The following TBXT variants were observed in gnomAD, a reference collection of about 807,000 sequenced individuals.
The protein encoded by TBXT is T brachyury transcription factor.
TBXT carries 19 observed loss-of-function variants against 41.1 expected under a neutral mutation model. The ratio of observed to expected loss-of-function variants is 0.46; its 90% CI spans 0.32 to 0.68. The LOEUF (loss-of-function observed/expected upper bound fraction) is 0.68. Ranked by LOEUF, TBXT falls within the 30% of genes least tolerant of loss-of-function variation. The pLI is 0.03. For missense variants in TBXT, 536 were observed against 582.0 expected, an observed-to-expected ratio of 0.92 and a Z score of 0.81; for synonymous variants, 213 against 238.9, an observed-to-expected ratio of 0.89 and a Z score of 1.00.
Position 166,166,745 on chromosome 6 carries a change from G to A in TBXT, c.318C>T (p.Asn106=). ...AADNHRWKYV[N]GEWVPGGKPE... ...GCTTGCCCCCCGGCACCCATTCCCC[G>A]TTCACGTACTTCCAGCGGTGGTTGT... The change falls in exon 2 of 8, where the codon AAC becomes AAT. Residue 106 remains asparagine (N), a synonymous_variant. Coordinates refer to ENST00000366876, the MANE Select transcript of TBXT (RefSeq NM_001366285.2). 6.2e-7 allele frequency: 1 copy of A among 1,613,798 alleles called. No individual in the cohort carries two copies. The highest frequency in any genetic ancestry group is 8.5e-7 in the Non-Finnish European group (1 of 1,180,052).
Position 166,166,879 on chromosome 6 carries a change from A to T in TBXT, c.207-23T>A, listed in dbSNP as rs769976301. The T allele has an allele frequency of 1.9e-6, 3 of 1,613,112 alleles. No homozygotes were observed. In the South Asian group the frequency reaches 3.3e-5, roughly 18 times the overall value. On this transcript the variant is annotated intron_variant, in intron 1 of 7. Transcript: ENST00000366876. Reference sequence around the variant, plus strand: ...CTCCTGGAAAACACGGGGCGGGCGCAGGAGGACCCCGACACTGACCAGGTA... The same window carrying T: ...CTCCTGGAAAACACGGGGCGGGCGCTGGAGGACCCCGACACTGACCAGGTA...
At chr6:166,167,964 G>C, upstream of TBXT, 1 of 350,376 alleles carries the variant, frequency 2.9e-6, no homozygotes, top group African/African-American at 2.1e-5. Flanking sequence ...CCCATTGGCC[G>C]AGAGCGGCCA....
chr6:166,161,253 G>A (rs1393756010), intron 6 of TBXT, among the ~76,000 whole-genome samples: 2 of 152,040 alleles, frequency 1.3e-5, no homozygotes, highest in East Asian at 1.9e-4. Flanking sequence ...TACAATCACT[G>A]ACTTGGAATT....
At chr6:166,163,208 T>C (rs1023392119) in intron 5 of TBXT, among the ~76,000 whole-genome samples, 5 of 151,992 alleles carry the variant, frequency 3.3e-5, no homozygotes, top group Admixed American at 6.5e-5. Context: ...TAGACAAGGG[T>C]GCCCTCCCCT....
intron 1 of TBXT, 21 bp from the exon 2 acceptor site, chr6:166,166,877 G>A (rs377246549): frequency 1.5e-4 from 236 of 1,613,008 alleles, no homozygotes; most frequent in Admixed American, 3.7e-4. Flanking sequence ...CGGGGCGGGC[G>A]CAGGAGGACC....
rs1481447704 is a variant in TBXT at position 166,162,319 on chromosome 6, T to C, written c.907+128A>G. 1.6e-5 allele frequency: 16 copies of C among 1,023,106 alleles called. No homozygotes were observed. The Admixed American group carries it at 3.3e-4, about 21-fold the overall frequency. The allele number at this position is 1,023,106 out of a possible 1,614,324, so 63.4% of individuals were successfully genotyped here. ...ATCTTCTCTTGAGCTACTAAAAAAC[T>C]GGGCTTGGGTATGTGTTCCAGAAAA... On this transcript the variant is annotated intron_variant, in intron 6 of 7. Coordinates refer to ENST00000366876, the MANE Select transcript of TBXT (RefSeq NM_001366285.2).
At chr6:166,158,918 A>C (rs115077520) in intron 7 of TBXT, among the ~76,000 whole-genome samples, 1,866 of 152,336 alleles carry the variant, frequency 0.012, 41 homozygotes, top group African/African-American at 0.042. Context: ...GATGCCTGTA[A>C]TCCCAGTACT....
At chr6:166,162,882 C>T (rs551550614) in intron 5 of TBXT, among the ~76,000 whole-genome samples, 7 of 152,282 alleles carry the variant, frequency 4.6e-5, no homozygotes, top group Non-Finnish European at 4.4e-5. Context: ...TCCCACCTTC[C>T]CCTCAGGGGC....
rs373492906 is a variant in TBXT, at chr6:166,166,786, C to G, written c.277G>C (p.Asp93His). 1 of 1,613,806 alleles carries G rather than the reference C, an allele frequency of 6.2e-7. No homozygotes were observed. Among genetic ancestry groups the G allele is most frequent in the Non-Finnish European group, 8.5e-7 (1 of 1,180,064 alleles). Reference sequence around the variant, plus strand: ...CGGTGGTTGTCCGCCGCCACGAAGTCCAGCAGGAAGGAGTACATGGCGTTG... The same window carrying G: ...CGGTGGTTGTCCGCCGCCACGAAGTGCAGCAGGAAGGAGTACATGGCGTTG... ...DPNAMYSFLL[D>H]FVAADNHRWK... The change falls in exon 2 of 8, where the codon GAC (aspartate) becomes CAC (histidine). Residue 93 changes from aspartate to histidine, a missense_variant. Transcript: ENST00000366876.
chr6:166,167,490 C>G lies in TBXT; in HGVS notation c.102G>C (p.Lys34Asn). Residue 34 changes from lysine to asparagine, a missense_variant, in exon 1 of 8, where the codon AAG (lysine) becomes AAC (asparagine). Lys to Asn is a moderately conservative substitution (Grantham distance 94). Transcript: ENST00000366876. ...VENELQAGSEKGDPTERELRV... is the reference protein window; with the variant it reads ...VENELQAGSENGDPTERELRV... ...GCAGTTCGCGCTCTGTGGGGTCGCC[C>G]TTCTCGCTGCCCGCCTGCAGCTCAT... The G allele has an allele frequency of 1.9e-6, 3 of 1,610,470 alleles. No individual in the cohort carries two copies. The highest frequency in any genetic ancestry group is 2.5e-6 in the Non-Finnish European group (3 of 1,179,832).
Position 166,158,482 on chromosome 6 carries a change from C to T in TBXT, c.1144G>A (p.Ala382Thr), listed in dbSNP as rs775012230. 38 of 1,611,882 alleles carry T rather than the reference C, an allele frequency of 2.4e-5. No individual in the cohort carries two copies. Among genetic ancestry groups the T allele is most frequent in the African/African-American group, 1.2e-4 (9 of 74,884 alleles). The change falls in exon 8 of 8, where the codon GCG becomes ACG. Residue 382 changes from alanine to threonine, a missense_variant. Transcript: ENST00000366876. ...LGAQFFRGSP[A>T]HYTPLTHPVS... The stretch of plus-strand genomic sequence containing the variant: ...GGATGGGTGAGGGGTGTGTAGTGCG[C>T]GGGGGAGCCCCGGAAGAACTGGGCC...
Position 166,158,012 on chromosome 6 carries a change from T to A in TBXT, c.*303A>T, listed in dbSNP as rs1778832765. 2 of 524,898 alleles carry A rather than the reference T, an allele frequency of 3.8e-6. No homozygotes were observed. The allele number at this position is 524,898 out of a possible 1,614,324, so 32.5% of individuals were successfully genotyped here. The stretch of plus-strand genomic sequence containing the variant: ...TGTATGAGAAATAAACCAAAAAAAG[T>A]TTCTGGACCCTGGCAAACATTTTTT... On this transcript the variant is annotated 3_prime_UTR_variant, in exon 8 of 8. Transcript: ENST00000366876.
At position 166,164,391 on chromosome 6, in the gene TBXT, C is replaced by G. The variant is rs572250459; in HGVS notation, c.730+214G>C. Among the ~76,000 whole-genome samples the G allele has an allele frequency of 8.5e-5, 13 of 152,302 alleles. 1 individual carries two copies. The East Asian group carries it at 1.4e-3, about 16-fold the overall frequency. ...CTGCCTCACGGCAAAACAAAAGCAC[C>G]CAGGAGAGTATCCACAGCCCCGATT... On this transcript the variant is annotated intron_variant, in intron 5 of 7. Transcript: ENST00000366876.
chr6:166,167,514 A>G lies in TBXT; in HGVS notation c.78T>C (p.Asn26=), dbSNP rs1319643581. Residue 26 remains asparagine (N), a synonymous_variant, in exon 1 of 8, where the codon AAT becomes AAC. Transcript: ENST00000366876. Reference sequence around the variant, plus strand: ...CCTTCTCGCTGCCCGCCTGCAGCTCATTCTCCACGGCGCTCAGCAGGTGGT... The same window carrying G: ...CCTTCTCGCTGCCCGCCTGCAGCTCGTTCTCCACGGCGCTCAGCAGGTGGT... ...RVDHLLSAVE[N]ELQAGSEKGD... 6.2e-7 allele frequency: 1 copy of G among 1,606,128 alleles called. No homozygotes were observed. Among genetic ancestry groups the G allele is most frequent in the Non-Finnish European group, 8.5e-7 (1 of 1,179,264 alleles).
chr6:166,164,784 G>A lies in TBXT; in HGVS notation c.668+16C>T. ...ACTTCTTTGCCCAAGGGTATTTATAGTTAGAATTCTCTCACCTTTCCTTTG... is the reference window on the plus strand; with the variant it reads ...ACTTCTTTGCCCAAGGGTATTTATAATTAGAATTCTCTCACCTTTCCTTTG... On this transcript the variant is annotated intron_variant, in intron 4 of 7. Coordinates refer to ENST00000366876, the MANE Select transcript of TBXT (RefSeq NM_001366285.2). 1 of 1,613,290 alleles carries A rather than the reference G, an allele frequency of 6.2e-7. No homozygotes were observed. Among genetic ancestry groups the A allele is most frequent in the Non-Finnish European group, 8.5e-7 (1 of 1,179,496 alleles).
chr6:166,167,394 C>T lies in TBXT; in HGVS notation c.198G>A (p.Lys66=), dbSNP rs769733462. The part of the protein sequence containing the change: ...KELTNEMIVT[K]NGRRMFPVLK... ...TCCGGACGCGCACCCACCTGCCGTT[C>T]TTGGTCACGATCATCTCATTGGTGA... is the stretch of plus-strand genomic sequence containing the variant. Residue 66 remains lysine, a synonymous_variant, in exon 1 of 8, where the codon AAG becomes AAA. Coordinates refer to ENST00000366876, the MANE Select transcript of TBXT (RefSeq NM_001366285.2). 3.7e-6 allele frequency: 6 copies of T among 1,612,756 alleles called. No individual in the cohort carries two copies. The highest frequency in any genetic ancestry group is 5.1e-6 in the Non-Finnish European group (6 of 1,179,866).
chr6:166,163,991 G>A (rs779703038), intron 5 of TBXT, among the ~76,000 whole-genome samples: 2 of 152,210 alleles, frequency 1.3e-5, no homozygotes, highest in Non-Finnish European at 2.9e-5. Flanking sequence ...CAGTGCTACC[G>A]CGTTCATTGT....
chr6:166,163,460 T>G (rs1261988078), intron 5 of TBXT, among the ~76,000 whole-genome samples: 4 of 152,212 alleles, frequency 2.6e-5, no homozygotes, highest in African/African-American at 4.8e-5. Flanking sequence ...CTTGGCTTAT[T>G]GCAATCTCCG....
intron 7 of TBXT, among the ~76,000 whole-genome samples, chr6:166,159,496 T>C (rs1778889490): frequency 6.6e-6 from 1 of 152,200 alleles, no homozygotes; most frequent in African/African-American, 2.4e-5. Flanking sequence ...TAGGAAGCCA[T>C]TCCCAGTTCC....
Sources: allele counts gnomAD v4.1 joint callset (sites outside exome capture counted in the v4.1 genomes callset), GRCh38; gene constraint gnomAD v4.1.1; transcripts MANE v1.5; gene names NCBI Gene and HGNC (gene_info 2026-07-23, HGNC 2026-07-21).